ERBB3: variants seen among roughly 807,000 people sequenced by gnomAD.
The protein encoded by ERBB3 is receptor tyrosine-protein kinase erbB-3.
In ERBB3, 96 loss-of-function variants were observed where a neutral mutation model predicts 156.7. The observed-to-expected ratio is 0.61, with a 90% CI of 0.52 to 0.73. The LOEUF (loss-of-function observed/expected upper bound fraction) is 0.73. ERBB3 is among the 30% of genes least tolerant of loss of function. The probability of loss-of-function intolerance (pLI) is 0.00; values close to 1 mark genes in which losing one functional copy is unlikely to be tolerated. For missense variants in ERBB3, 1,406 were observed against 1,709.4 expected (o/e 0.82, Z 3.13); for synonymous variants, 567 against 632.0 (o/e 0.90, Z 1.54).
At chr12:56,089,994 T>C (rs1868619364) in intron 9 of ERBB3, among the ~76,000 whole-genome samples, 1 of 120,888 alleles carries the variant, frequency 8.3e-6, no homozygotes, top group South Asian at 2.5e-4. Flanking sequence ...CCCCATATAC[T>C]TTTTTTTTTT....
Position 56,095,689 on chromosome 12 carries a change from G to A in ERBB3, c.1938G>A (p.Leu646=). The change falls in exon 17 of 28, where the codon TTG becomes TTA. Residue 646 remains leucine (L), a synonymous_variant. Coordinates refer to ENST00000267101, the MANE Select transcript of ERBB3 (RefSeq NM_001982.4). ...GCAAAACCCATCTGACAATGGCTTT[G>A]ACAGTGATAGCAGGATTGGTAGTGA... ...LIGKTHLTMA[L]TVIAGLVVIF... is the part of the protein sequence containing the mutation. The A allele has an allele frequency of 6.2e-7, 1 of 1,614,208 alleles. No homozygotes were observed.
At chr12:56,089,938 A>G in intron 9 of ERBB3, among the ~76,000 whole-genome samples, 1 of 116,056 alleles carries the variant, frequency 8.6e-6, no homozygotes, top group Admixed American at 8.9e-5. Context: ...TTTTATTTTG[A>G]CATAATTTTA....
chr12:56,086,541 AG>A lies in ERBB3; in HGVS notation c.437del (p.Gly146ValfsTer22), dbSNP rs2136791376. 6.2e-7 allele frequency: 1 copy of A among 1,614,062 alleles called. No individual in the cohort carries two copies. The highest frequency in any genetic ancestry group is 8.5e-7 in the Non-Finnish European group (1 of 1,179,982). On this transcript the variant is annotated frameshift_variant, in exon 4 of 28. Coordinates refer to ENST00000267101, the MANE Select transcript of ERBB3 (RefSeq NM_001982.4). LOFTEE classifies it high-confidence loss of function. Reference protein sequence around the residue: ...RLTQLTEILSGGVYIEKNDKL... With the variant: ...RLTQLTEILSXGVYIEKNDKL... The stretch of plus-strand genomic sequence containing the variant: ...CTTTCCCTACCTCAGAGATTCTGTC[AG>A]GGGGTGTTTATATTGAGAAGAACGA...
intron 9 of ERBB3, 28 bp from the exon 10 acceptor site, chr12:56,092,719 A>T (rs759355041): frequency 6.4e-7 from 1 of 1,557,380 alleles, no homozygotes; most frequent in African/African-American, 1.4e-5. Flanking sequence ...CCTTTACCTT[A>T]TTGACTGGTT....
chr12:56,098,058 C>T (rs1369155579), intron 21 of ERBB3, 118 bp downstream of exon 21: 2 of 960,846 alleles, frequency 2.1e-6, no homozygotes, highest in African/African-American at 1.6e-5. Context: ...GGAGAGAAGG[C>T]TGCAGATGCC....
intron 26 of ERBB3, 90 bp downstream of exon 26, chr12:56,100,335 GT>G: frequency 8.8e-7 from 1 of 1,132,474 alleles, no homozygotes; most frequent in Non-Finnish European, 1.3e-6. Context: ...TTTAATCAGT[GT>G]CCTGCAAAAA....
chr12:56,098,955 CTTTTTTTTTTTT>C (rs372817506), intron 23 of ERBB3, 50 bp downstream of exon 23: 1 of 965,912 alleles, frequency 1.0e-6, no homozygotes, highest in African/African-American at 1.8e-5. Context: ...CTTTTTTTTT[CTTTTTTTTTTTT>C]TTTTGAGACA....
In ERBB3 at chr12:56,088,972, T is replaced by A. The variant is rs372703573; in HGVS notation, c.1109+104T>A. The A allele has an allele frequency of 1.5e-3, 2,151 of 1,471,198 alleles. 50 individuals are homozygous for A. The South Asian group carries it at 0.024, about 16-fold the overall frequency. The allele number at this position is 1,471,198 out of a possible 1,614,324, so 91.1% of individuals were successfully genotyped here. ...ATGTGGAGCTGACTAGGAATCAAAG[T>A]CATAAAATTCTAGCCTGTTACAAAG... On this transcript the variant is annotated intron_variant, in intron 9 of 27. Transcript: ENST00000267101.
intron 4 of ERBB3, 117 bp from the exon 5 acceptor site, chr12:56,087,460 C>A (rs1868523362): frequency 1.1e-6 from 1 of 905,610 alleles, no homozygotes; most frequent in Non-Finnish European, 1.9e-6. Context: ...AGGGACACAG[C>A]CCTGGCTTTT....
rs759321206 is a variant in ERBB3 at position 56,085,028 on chromosome 12, G to C, written c.268G>C (p.Ala90Pro). ...AGAAGTGACAGGCTATGTCCTCGTGGCCATGAATGAATTCTCTACTCTACC... is the reference window on the plus strand; with the variant it reads ...AGAAGTGACAGGCTATGTCCTCGTGCCCATGAATGAATTCTCTACTCTACC... ...IREVTGYVLV[A>P]MNEFSTLPLP... Residue 90 changes from alanine (A) to proline (P), a missense_variant, in exon 3 of 28, where the codon GCC becomes CCC. Ala to Pro is a conservative substitution (Grantham distance 27, BLOSUM62 -1). This residue lies in a region of ERBB3 where 979 missense variants were observed against 1,219.6 expected (regional missense o/e 0.80). Transcript: ENST00000267101. 2 of 1,614,106 alleles carry C rather than the reference G, an allele frequency of 1.2e-6. No homozygotes were observed. Among genetic ancestry groups the C allele is most frequent in the Non-Finnish European group, 1.7e-6 (2 of 1,180,030 alleles).
chr12:56,080,205 A>G lies in ERBB3; in HGVS notation c.-96A>G, dbSNP rs1868335727. 2 of 981,170 alleles carry G rather than the reference A, an allele frequency of 2.0e-6. No homozygotes were observed. The highest frequency in any genetic ancestry group is 2.0e-5 in the Admixed American group (1 of 49,906). The allele number at this position is 981,170 out of a possible 1,614,324, so 60.8% of individuals were successfully genotyped here. On this transcript the variant is annotated 5_prime_UTR_variant, in exon 1 of 28. Coordinates refer to ENST00000267101, the MANE Select transcript of ERBB3 (RefSeq NM_001982.4). ...CGCTGCCGTCGCCGCAGCAGCCACC[A>G]ATTCGCCAGCGGTTCAGGTGGCTCT...
rs759635172 is a variant in ERBB3 at position 56,096,518 on chromosome 12, G to C, written c.2071G>C (p.Asp691His). The change falls in exon 18 of 28, where the codon GAC becomes CAC. Residue 691 changes from aspartate to histidine, a missense_variant. Asp to His is a moderately conservative substitution (Grantham distance 81). This residue lies in a region of ERBB3 where 979 missense variants were observed against 1,219.6 expected (regional missense o/e 0.80). Coordinates refer to ENST00000267101, the MANE Select transcript of ERBB3 (RefSeq NM_001982.4). ...LERGESIEPL[D>H]PSEKANKVLA... ...TGCTCCTCAGAGCATAGAGCCTCTG[G>C]ACCCCAGTGAGAAGGCTAACAAAGT... 1.2e-6 allele frequency: 2 copies of C among 1,614,002 alleles called. No homozygotes were observed. The highest frequency in any genetic ancestry group is 1.7e-4 in the Middle Eastern group (1 of 6,056).
chr12:56,099,129 C>T (rs1868998706), intron 23 of ERBB3: 1 of 575,988 alleles, frequency 1.7e-6, no homozygotes, highest in African/African-American at 1.9e-5. Flanking sequence ...ATAACTGTTA[C>T]ACTTTTAGTA....
In ERBB3 at chr12:56,092,752, C is replaced by T; in HGVS notation, c.1115C>T (p.Pro372Leu). The T allele has an allele frequency of 6.2e-7, 1 of 1,613,614 alleles. No individual in the cohort carries two copies. Among genetic ancestry groups the T allele is most frequent in the Non-Finnish European group, 8.5e-7 (1 of 1,179,576 alleles). Residue 372 changes from proline to leucine, a missense_variant, in exon 10 of 28, where the codon CCC (proline) becomes CTC (leucine). Transcript: ENST00000267101. ...GTTTCTACTGTTCTATTCAGAGACC[C>T]CTGGCACAAGATCCCTGCCCTGGAC... ...DFLITGLNGD[P>L]WHKIPALDPE... is the part of the protein sequence containing the mutation.
In ERBB3 at chr12:56,085,534, C is replaced by T. The variant is rs1415411267; in HGVS notation, c.421+353C>T. The T allele has an allele frequency of 7.3e-6, 7 of 954,802 alleles. No individual in the cohort carries two copies. The African/African-American group carries it at 1.2e-4, about 16-fold the overall frequency. The allele number at this position is 954,802 out of a possible 1,614,324, so 59.1% of individuals were successfully genotyped here. ...CCAAGGAGGGCAGATCACTTGAGAT[C>T]AGGAGTTTGAGACCAGCCTGGCCAA... On this transcript the variant is annotated intron_variant, in intron 3 of 27. Transcript: ENST00000267101.
chr12:56,098,340 AGGC>A, intron 21 of ERBB3, 157 bp from the exon 22 acceptor site: 1 of 648,498 alleles, frequency 1.5e-6, no homozygotes, highest in South Asian at 1.7e-5. Flanking sequence ...TGAACCCAGG[AGGC>A]GGAGCTTGCA....
chr12:56,095,440 C>T, intron 16 of ERBB3, 130 bp downstream of exon 16: 1 of 908,040 alleles, frequency 1.1e-6, no homozygotes, highest in Non-Finnish European at 1.8e-6. Flanking sequence ...TCACTGGACA[C>T]TTGGGACTCA....
intron 7 of ERBB3, 147 bp from the exon 8 acceptor site, chr12:56,088,396 T>C (rs2292239): frequency 5.8e-6 from 5 of 855,216 alleles, no homozygotes; most frequent in Non-Finnish European, 1.0e-5. Context: ...TTTGAATCTA[T>C]AGGGCAGCAC....
At chr12:56,088,718 AC>A (rs894103267) in intron 8 of ERBB3, 29 bp from the exon 9 acceptor site, 1 of 1,613,924 alleles carries the variant, frequency 6.2e-7, no homozygotes, top group Non-Finnish European at 8.5e-7. Flanking sequence ...TGCGCAGACC[AC>A]CCCCACTGAA....
Sources: gnomAD v4.1 joint callset for allele counts (sites outside exome capture counted in the v4.1 genomes callset) on GRCh38, gnomAD v4.1.1 for gene constraint, gnomAD v4.1.1 regional missense constraint, MANE v1.5 for transcripts, NCBI Gene and HGNC (gene_info 2026-07-23, HGNC 2026-07-21) for gene names.